The following ELF2 variants were observed in gnomAD, a reference collection of about 807,000 sequenced individuals.
The protein encoded by ELF2 is E74 like ETS transcription factor 2.
Under a neutral mutation model 54.8 loss-of-function variants are expected in ELF2, and 11 were observed. The observed-to-expected ratio is 0.20, with a 90% CI of 0.13 to 0.33. The LOEUF (loss-of-function observed/expected upper bound fraction) is 0.33. Ranked by LOEUF, ELF2 falls within the 10% of genes least tolerant of loss-of-function variation. The pLI, the probability that ELF2 is intolerant of heterozygous loss-of-function variation, is 1.00. For synonymous variants in ELF2, 203 were observed against 245.1 expected, an observed-to-expected ratio of 0.83 and a Z score of 1.61; for missense variants, 513 against 703.0, an observed-to-expected ratio of 0.73 and a Z score of 3.06.
At chr4:139,158,144 G>A (rs1446966463) in intron 1 of ELF2, among the ~76,000 whole-genome samples, 3 of 152,118 alleles carry the variant, frequency 2.0e-5, no homozygotes, top group Non-Finnish European at 4.4e-5. Flanking sequence ...ACAGTCAAAG[G>A]CGGTAGTTCT....
intron 4 of ELF2, chr4:139,117,953 CA>C (rs60424237): frequency 1.9e-3 from 272 of 145,648 alleles, no homozygotes; most frequent in South Asian, 9.7e-3. Flanking sequence ...GATTCCACCT[CA>C]AAAAAAAAAA....
intron 4 of ELF2, among the ~76,000 whole-genome samples, chr4:139,090,657 T>C (rs940976353): frequency 4.6e-5 from 7 of 152,296 alleles, no homozygotes; most frequent in Admixed American, 3.9e-4. Flanking sequence ...TATAGTGGTA[T>C]CATCTTGGCT....
Position 139,073,574 on chromosome 4 carries a change from GA to G in ELF2, c.239-8del. 2 of 1,495,666 alleles carry G rather than the reference GA, an allele frequency of 1.3e-6. No homozygotes were observed. The highest frequency in any genetic ancestry group is 1.8e-6 in the Non-Finnish European group (2 of 1,108,998). The allele number at this position is 1,495,666 out of a possible 1,614,324, so 92.6% of individuals were successfully genotyped here. On this transcript the variant is annotated splice_polypyrimidine_tract_variant and splice_region_variant and intron_variant, in intron 4 of 9. Transcript: ENST00000686138. ...CTGTGAACTGATGCTTCCACTGGAG[GA>G]AAAATAAGTTCTACTCAATTAAAAA...
chr4:139,129,430 T>C (rs1737273992), intron 3 of ELF2, among the ~76,000 whole-genome samples: 1 of 152,232 alleles, frequency 6.6e-6, no homozygotes. Flanking sequence ...ATTTGTCCTC[T>C]ACTCTGACTC....
At chr4:139,116,788 T>C (rs544182218) in intron 4 of ELF2, 3 of 929,828 alleles carry the variant, frequency 3.2e-6, no homozygotes, top group East Asian at 1.2e-4. Context: ...AGGAGTCCTT[T>C]TGTGCCACAG....
At chr4:139,081,988 C>A (rs1484663870) in intron 4 of ELF2, among the ~76,000 whole-genome samples, 1 of 152,066 alleles carries the variant, frequency 6.6e-6, no homozygotes, top group Non-Finnish European at 1.5e-5. Context: ...CTTTTTAAAA[C>A]CCCTTATCAA....
chr4:139,148,523 T>G (rs1739508029), intron 1 of ELF2, among the ~76,000 whole-genome samples: 2 of 151,856 alleles, frequency 1.3e-5, no homozygotes, highest in African/African-American at 4.8e-5. Context: ...ACAATAAAGT[T>G]TTCAAGGTTC....
At chr4:139,135,396 C>T (rs932112822) in intron 3 of ELF2, among the ~76,000 whole-genome samples, 5 of 151,856 alleles carry the variant, frequency 3.3e-5, no homozygotes, top group African/African-American at 1.2e-4. Context: ...GTATTAGTGG[C>T]TTTTCTCTCT....
chr4:139,074,544 G>C (rs546294586), intron 4 of ELF2, among the ~76,000 whole-genome samples: 4 of 151,996 alleles, frequency 2.6e-5, no homozygotes, highest in African/African-American at 4.8e-5. Context: ...TGCGGATCAC[G>C]AGGTCAAGAG....
chr4:139,128,160 A>G (rs565540234), intron 3 of ELF2, among the ~76,000 whole-genome samples: 1 of 152,162 alleles, frequency 6.6e-6, no homozygotes, highest in Non-Finnish European at 1.5e-5. Context: ...CTATAGTCCT[A>G]GCTACTTGGG....
intron 4 of ELF2, chr4:139,115,420 C>T: frequency 3.0e-6 from 3 of 991,686 alleles, no homozygotes; most frequent in Non-Finnish European, 3.6e-6. Context: ...CTCCCTGCGC[C>T]ACCGCCTCCG....
At chr4:139,133,761 A>T (rs1428082640) in intron 3 of ELF2, among the ~76,000 whole-genome samples, 1 of 151,778 alleles carries the variant, frequency 6.6e-6, no homozygotes, top group Admixed American at 6.6e-5. Context: ...GTGCCAGTGC[A>T]CCCACCTGCT....
At chr4:139,143,593 T>C (rs1198449906) in intron 1 of ELF2, among the ~76,000 whole-genome samples, 1 of 152,136 alleles carries the variant, frequency 6.6e-6, no homozygotes, top group Non-Finnish European at 1.5e-5. Flanking sequence ...AAGGCCAGCC[T>C]GGCCAACACA....
intron 1 of ELF2, among the ~76,000 whole-genome samples, chr4:139,149,097 T>TACTG (rs564751604): frequency 0.019 from 2,845 of 152,284 alleles, 205 homozygotes; most frequent in Admixed American, 0.14. Flanking sequence ...TCAACACTTG[T>TACTG]ACTGACAATC....
chr4:139,076,907 A>G (rs573092134), intron 4 of ELF2, among the ~76,000 whole-genome samples: 10 of 152,318 alleles, frequency 6.6e-5, no homozygotes, highest in African/African-American at 2.4e-4. Context: ...TTTTATATTT[A>G]CAGAGTAAAA....
intron 1 of ELF2, among the ~76,000 whole-genome samples, chr4:139,163,261 A>C (rs1204199552): frequency 2.0e-5 from 3 of 152,078 alleles, no homozygotes; most frequent in Non-Finnish European, 4.4e-5. Flanking sequence ...GATGAGAAAA[A>C]TTATGAGAAA....
At chr4:139,101,815 G>A (rs1733901013) in intron 4 of ELF2, 1 of 152,010 alleles carries the variant, frequency 6.6e-6, no homozygotes, top group African/African-American at 2.4e-5. Flanking sequence ...AGTGCTTCTT[G>A]TCTCAAGTAA....
intron 4 of ELF2, chr4:139,101,813 T>C (rs1369809692): frequency 6.6e-6 from 1 of 152,242 alleles, no homozygotes. Context: ...TCAGTGCTTC[T>C]TGTCTCAAGT....
At chr4:139,105,146 G>A (rs1386903632) in intron 4 of ELF2, among the ~76,000 whole-genome samples, 1 of 152,040 alleles carries the variant, frequency 6.6e-6, no homozygotes, top group Non-Finnish European at 1.5e-5. Flanking sequence ...ACTATCCACT[G>A]CTTTAACTGC....
Sources: gnomAD v4.1 joint callset for allele counts (sites outside exome capture counted in the v4.1 genomes callset) on GRCh38, gnomAD v4.1.1 for gene constraint, MANE v1.5 for transcripts, NCBI Gene and HGNC (gene_info 2026-07-23, HGNC 2026-07-21) for gene names.